NAV3: variants seen among roughly 807,000 people sequenced by gnomAD.
NAV3 encodes the protein pore membrane and/or filament interacting like protein 1.
In NAV3, 87 loss-of-function variants were observed where a neutral mutation model predicts 244.7. The observed-to-expected ratio is 0.36, with a 90% CI of 0.30 to 0.42. NAV3 has a LOEUF of 0.42. NAV3 is among the 20% of genes least tolerant of loss of function. The pLI, the probability that NAV3 is intolerant of heterozygous loss-of-function variation, is 1.00. For synonymous variants in NAV3, 1,126 were observed against 1,042.2 expected (o/e 1.08, Z -1.55); for missense variants, 2,663 against 2,893.3 (o/e 0.92, Z 1.83).
chr12:77,623,202 G>GA (rs879305774), intron 2 of NAV3, among the ~76,000 whole-genome samples: 79 of 151,246 alleles, frequency 5.2e-4, no homozygotes, highest in Non-Finnish European at 9.2e-4. Context: ...TTCTGTAACT[G>GA]AAAAAAAATT....
At chr12:77,728,805 C>A (rs929791070) in intron 2 of NAV3, among the ~76,000 whole-genome samples, 2 of 151,728 alleles carry the variant, frequency 1.3e-5, no homozygotes, top group African/African-American at 4.8e-5. Flanking sequence ...TCTTTTTCAA[C>A]AAAAGTTATA....
intron 30 of NAV3, among the ~76,000 whole-genome samples, chr12:78,183,662 G>C (rs1958592178): frequency 1.3e-5 from 2 of 151,986 alleles, no homozygotes; most frequent in South Asian, 2.1e-4. Flanking sequence ...TTATCCTACT[G>C]TTGTCAGGAG....
rs146037012 is a variant in NAV3, at chr12:77,630,638, A to T, written c.72+58372A>T. Among the ~76,000 whole-genome samples the T allele has an allele frequency of 2.2e-4, 34 of 152,220 alleles. No individual in the cohort carries two copies. The East Asian group carries it at 4.6e-3, about 21-fold the overall frequency. On this transcript the variant is annotated intron_variant, in intron 2 of 8. Transcript: ENST00000550042. ...TGCATTAAAGACGTGAAGGAAGAAT[A>T]GGGTAGTTTTCTTTTTTTCTTGGCG...
In NAV3 at chr12:78,001,019, T is replaced by C. The variant is rs947024144; in HGVS notation, c.880+2543T>C. Among the ~76,000 whole-genome samples the C allele has an allele frequency of 3.3e-5, 5 of 151,718 alleles. No homozygotes were observed. In the East Asian group the frequency reaches 9.8e-4, roughly 30 times the overall value. On this transcript the variant is annotated intron_variant, in intron 7 of 39. Coordinates refer to ENST00000397909, the MANE Select transcript of NAV3 (RefSeq NM_001024383.2). ...TATAAGTTATTCTATATCCAAATGG[T>C]ACATTTTTTAATAAAGATGTTTGTT...
intron 9 of NAV3, among the ~76,000 whole-genome samples, chr12:78,037,983 C>A (rs1044355287): frequency 6.6e-6 from 1 of 152,138 alleles, no homozygotes; most frequent in African/African-American, 2.4e-5. Context: ...AAAACTAGTT[C>A]TGCATGTGCA....
intron 2 of NAV3, among the ~76,000 whole-genome samples, chr12:77,740,656 G>C (rs1479628321): frequency 1.3e-5 from 2 of 152,090 alleles, no homozygotes; most frequent in African/African-American, 4.8e-5. Context: ...CCATTTTCAG[G>C]TTAAGACTGC....
At chr12:78,147,975 T>C (rs1290458199) in intron 21 of NAV3, among the ~76,000 whole-genome samples, 1 of 152,078 alleles carries the variant, frequency 6.6e-6, no homozygotes, top group East Asian at 1.9e-4. Flanking sequence ...TCCTTATTAG[T>C]CACAACATGA....
At chr12:78,013,910 C>G (rs1186522157) in intron 8 of NAV3, among the ~76,000 whole-genome samples, 1 of 151,836 alleles carries the variant, frequency 6.6e-6, no homozygotes, top group African/African-American at 2.4e-5. Context: ...TGTTCCTCTT[C>G]TTTCTTGGTG....
At position 77,856,098 on chromosome 12, in the gene NAV3, A is replaced by G. The variant is rs192361917; in HGVS notation, c.243+24394A>G. ...CTTCACTTCAATATAATTTTTAAGA[A>G]ACGTTCTTTATTGTACATATGTTGT... is the stretch of plus-strand genomic sequence containing the variant. On this transcript the variant is annotated intron_variant, in intron 1 of 39. Coordinates refer to ENST00000397909, the MANE Select transcript of NAV3 (RefSeq NM_001024383.2). 4.6e-5 allele frequency among the ~76,000 whole-genome samples: 7 copies of G among 152,316 alleles called. No individual in the cohort carries two copies. In the East Asian group the frequency reaches 1.3e-3, roughly 29 times the overall value.
chr12:77,732,248 C>T (rs1217966817), intron 2 of NAV3, among the ~76,000 whole-genome samples: 1 of 151,768 alleles, frequency 6.6e-6, no homozygotes, highest in Non-Finnish European at 1.5e-5. Context: ...CAGAGAAGAT[C>T]ATGGTGTTGG....
At chr12:77,694,565 C>T (rs771954766) in intron 2 of NAV3, among the ~76,000 whole-genome samples, 10 of 151,910 alleles carry the variant, frequency 6.6e-5, no homozygotes, top group Admixed American at 1.3e-4. Flanking sequence ...GTGTCCAGAC[C>T]GTGTATAACA....
chr12:77,602,735 A>G (rs1415521269), intron 2 of NAV3, among the ~76,000 whole-genome samples: 1 of 152,018 alleles, frequency 6.6e-6, no homozygotes, highest in African/African-American at 2.4e-5. Context: ...ACTTCATGGC[A>G]TAAATTACCA....
At chr12:78,175,652 C>T (rs1364518498) in intron 25 of NAV3, among the ~76,000 whole-genome samples, 1 of 151,880 alleles carries the variant, frequency 6.6e-6, no homozygotes, top group Non-Finnish European at 1.5e-5. Flanking sequence ...TATATCTAGA[C>T]CTTTTGAGGG....
At chr12:78,089,790 A>G (rs939065971) in intron 12 of NAV3, among the ~76,000 whole-genome samples, 1 of 152,160 alleles carries the variant, frequency 6.6e-6, no homozygotes, top group African/African-American at 2.4e-5. Context: ...CGTCTAACTC[A>G]TAAAGAATAA....
At chr12:77,902,332 T>G (rs985222851) in intron 1 of NAV3, among the ~76,000 whole-genome samples, 1 of 152,214 alleles carries the variant, frequency 6.6e-6, no homozygotes, top group African/African-American at 2.4e-5. Flanking sequence ...TTTTTAATGT[T>G]GTGTAAACAG....
At chr12:77,930,284 T>G (rs1888652034) in intron 1 of NAV3, among the ~76,000 whole-genome samples, 1 of 152,186 alleles carries the variant, frequency 6.6e-6, no homozygotes, top group Non-Finnish European at 1.5e-5. Flanking sequence ...ATTGTTTTCA[T>G]TGTTCCCATG....
intron 2 of NAV3, among the ~76,000 whole-genome samples, chr12:77,670,389 A>G (rs1004071415): frequency 6.6e-6 from 1 of 152,138 alleles, no homozygotes; most frequent in African/African-American, 2.4e-5. Context: ...TTCCAATCCT[A>G]TTGACACTAT....
chr12:77,578,793 C>T (rs1369747651), intron 2 of NAV3, among the ~76,000 whole-genome samples: 1 of 152,112 alleles, frequency 6.6e-6, no homozygotes, highest in Non-Finnish European at 1.5e-5. Flanking sequence ...CTGCTGCCAT[C>T]ACTCACGCCC....
chr12:77,817,333 A>G (rs1348402663), intron 2 of NAV3, among the ~76,000 whole-genome samples: 1 of 152,210 alleles, frequency 6.6e-6, no homozygotes, highest in African/African-American at 2.4e-5. Context: ...ACTTCTATTG[A>G]ATATTCTGCA....
Sources: allele counts gnomAD v4.1 joint callset (sites outside exome capture counted in the v4.1 genomes callset), GRCh38; gene constraint gnomAD v4.1.1; transcripts MANE v1.5; gene names NCBI Gene and HGNC (gene_info 2026-07-23, HGNC 2026-07-21).